OPCML: variants seen among roughly 807,000 people sequenced by gnomAD.
The protein encoded by OPCML is opioid binding protein/cell adhesion molecule like.
Under a neutral mutation model 37.8 loss-of-function variants are expected in OPCML, and 13 were observed. That is an observed-to-expected ratio of 0.34 (90% CI 0.22 to 0.55). The LOEUF (loss-of-function observed/expected upper bound fraction) is 0.55, where lower values mean the gene tolerates loss of function less well. OPCML is among the 20% of genes least tolerant of loss of function. The pLI, the probability that OPCML is intolerant of heterozygous loss-of-function variation, is 0.91. For missense variants in OPCML, 341 were observed against 435.6 expected (o/e 0.78, Z 1.93); for synonymous variants, 176 against 168.8 (o/e 1.04, Z -0.33).
intron 3 of OPCML, among the ~76,000 whole-genome samples, chr11:132,640,251 T>C (rs1487685200): frequency 6.6e-6 from 1 of 152,082 alleles, no homozygotes; most frequent in Non-Finnish European, 1.5e-5. Flanking sequence ...CAATGAGCAG[T>C]GTGGGTGGGA....
chr11:132,483,615 C>G lies in OPCML; in HGVS notation c.505+45446G>C, dbSNP rs2096188668. ...AAAGAGCCCGCATCGCCAAGTCAGT[C>G]CTAAGCCAAAAGAACAAAGCTGGAG... On this transcript the variant is annotated intron_variant, in intron 4 of 7. Transcript: ENST00000524381. 2.0e-5 allele frequency among the ~76,000 whole-genome samples: 3 copies of G among 152,308 alleles called. No homozygotes were observed. The South Asian group carries it at 6.2e-4, about 32-fold the overall frequency.
At chr11:132,501,820 C>G (rs2096246290) in intron 4 of OPCML, among the ~76,000 whole-genome samples, 1 of 152,112 alleles carries the variant, frequency 6.6e-6, no homozygotes, top group South Asian at 2.1e-4. Context: ...AGACAAATTC[C>G]TAGTTAGTAT....
In OPCML at chr11:132,976,243, C is replaced by T. The variant is rs77421604; in HGVS notation, c.62-33233G>A. ...TAGTTAGTTATTTGTTCTGTTCTTA[C>T]GAAGGGTGGACAGCTGCTGGACCAG... On this transcript the variant is annotated intron_variant, in intron 1 of 7. Transcript: ENST00000524381. Among the ~76,000 whole-genome samples, 11 of 152,138 alleles carry T rather than the reference C, an allele frequency of 7.2e-5. No homozygotes were observed. The East Asian group carries it at 1.5e-3, about 21-fold the overall frequency.
At chr11:132,428,312 G>A (rs2095984410) in intron 7 of OPCML, among the ~76,000 whole-genome samples, 1 of 152,208 alleles carries the variant, frequency 6.6e-6, no homozygotes, top group Admixed American at 6.5e-5. Context: ...GTATGAAACT[G>A]TATAGAGGCT....
At chr11:132,935,954 G>C (rs1473802047) in intron 2 of OPCML, among the ~76,000 whole-genome samples, 1 of 152,206 alleles carries the variant, frequency 6.6e-6, no homozygotes, top group Non-Finnish European at 1.5e-5. Flanking sequence ...TAACGGGATA[G>C]TACAACATTT....
intron 2 of OPCML, among the ~76,000 whole-genome samples, chr11:132,783,145 T>C (rs1214036255): frequency 6.6e-6 from 1 of 151,970 alleles, no homozygotes; most frequent in Non-Finnish European, 1.5e-5. Flanking sequence ...GTCCCTACAG[T>C]CTCTTTCCTT....
chr11:132,610,003 C>T (rs1441742775), intron 3 of OPCML, among the ~76,000 whole-genome samples: 1 of 146,860 alleles, frequency 6.8e-6, no homozygotes, highest in Non-Finnish European at 1.5e-5. Context: ...CACACAAATA[C>T]TTTTTCTCCT....
At chr11:132,781,621 C>G (rs1380166601) in intron 2 of OPCML, among the ~76,000 whole-genome samples, 1 of 142,094 alleles carries the variant, frequency 7.0e-6, no homozygotes, top group African/African-American at 2.5e-5. Context: ...CACACACACC[C>G]TATTTTTTTT....
At chr11:133,104,148 G>A (rs754172963) in intron 1 of OPCML, among the ~76,000 whole-genome samples, 2 of 152,226 alleles carry the variant, frequency 1.3e-5, no homozygotes, top group East Asian at 1.9e-4. Flanking sequence ...AGGTGAGAGC[G>A]CATGGATGGA....
chr11:132,808,488 T>C (rs1403554994), intron 2 of OPCML, among the ~76,000 whole-genome samples: 1 of 152,192 alleles, frequency 6.6e-6, no homozygotes, highest in African/African-American at 2.4e-5. Context: ...CTGTGTGGGA[T>C]CATGGTAAAC....
intron 3 of OPCML, among the ~76,000 whole-genome samples, chr11:132,579,362 GA>G (rs2096457543): frequency 6.6e-6 from 1 of 150,644 alleles, no homozygotes; most frequent in Non-Finnish European, 1.5e-5. Context: ...TCAAACAAAG[GA>G]GACAGGGAAG....
intron 1 of OPCML, among the ~76,000 whole-genome samples, chr11:133,076,708 GTCA>G (rs10676415): frequency 6.6e-5 from 10 of 151,002 alleles, no homozygotes; most frequent in Non-Finnish European, 1.0e-4. Flanking sequence ...CCTCATCATT[GTCA>G]TCATCATCAT....
At position 133,263,595 on chromosome 11, in the gene OPCML, A is replaced by G. The variant is rs144497198; in HGVS notation, c.61+268669T>C. On this transcript the variant is annotated intron_variant, in intron 1 of 7. Transcript: ENST00000524381. ...AGTGCATTTCTTGGAATGTATCCCC[A>G]TTGTTAAGCAGTGTGTAACTGTAGT... Among the ~76,000 whole-genome samples the G allele has an allele frequency of 2.3e-3, 350 of 152,140 alleles. 1 individual carries two copies. Among genetic ancestry groups the G allele is most frequent in the African/African-American group, 8.1e-3 (337 of 41,502 alleles).
At position 132,431,906 on chromosome 11, in the gene OPCML, A is replaced by G. The variant is rs560738807; in HGVS notation, c.916+4180T>C. 1.4e-4 allele frequency among the ~76,000 whole-genome samples: 21 copies of G among 152,310 alleles called. No individual in the cohort carries two copies. In the South Asian group the frequency reaches 3.1e-3, roughly 23 times the overall value. On this transcript the variant is annotated intron_variant, in intron 7 of 7. Coordinates refer to ENST00000524381, the MANE Select transcript of OPCML (RefSeq NM_001012393.5). ...GGAAGTAGGAGCATACGGGTTGCAA[A>G]TCTAAAAATTGTCCTTTACAAGAAT... is the stretch of plus-strand genomic sequence containing the variant.
intron 1 of OPCML, among the ~76,000 whole-genome samples, chr11:133,198,942 G>T (rs965950922): frequency 6.6e-6 from 1 of 152,116 alleles, no homozygotes; most frequent in African/African-American, 2.4e-5. Context: ...TAGTTTATTT[G>T]GGAAGGTACA....
intron 1 of OPCML, among the ~76,000 whole-genome samples, chr11:132,995,454 C>T (rs1946864891): frequency 6.6e-6 from 1 of 151,882 alleles, no homozygotes; most frequent in Admixed American, 6.6e-5. Flanking sequence ...TCTTTCCCTC[C>T]CTCCCTCCCT....
chr11:133,459,963 C>T (rs1030582583), intron 1 of OPCML, among the ~76,000 whole-genome samples: 30 of 151,968 alleles, frequency 2.0e-4, no homozygotes, highest in Admixed American at 6.6e-4. Flanking sequence ...ATAACTCATG[C>T]ATTAGGCAAC....
chr11:133,469,715 A>G (rs1027512187), intron 1 of OPCML, among the ~76,000 whole-genome samples: 18 of 152,022 alleles, frequency 1.2e-4, no homozygotes, highest in Non-Finnish European at 2.1e-4. Flanking sequence ...TAAGCCTGCA[A>G]TGCCCTCATC....
At chr11:133,039,568 G>C (rs933608017) in intron 1 of OPCML, among the ~76,000 whole-genome samples, 1 of 152,106 alleles carries the variant, frequency 6.6e-6, no homozygotes, top group African/African-American at 2.4e-5. Context: ...GGGGTGGATG[G>C]TGCTTGCATT....
Sources: allele counts gnomAD v4.1 joint callset (sites outside exome capture counted in the v4.1 genomes callset), GRCh38; gene constraint gnomAD v4.1.1; transcripts MANE v1.5; gene names NCBI Gene and HGNC (gene_info 2026-07-23, HGNC 2026-07-21).